The following CHD1L variants were observed in gnomAD, a reference collection of about 807,000 sequenced individuals.
The protein encoded by CHD1L is ATP-dependent chromatin remodeler CHD1L.
CHD1L carries 118 observed loss-of-function variants against 115.9 expected under a neutral mutation model. That is an observed-to-expected ratio of 1.02 (90% CI 0.88 to 1.19). The LOEUF (loss-of-function observed/expected upper bound fraction) is 1.19, where lower values mean the gene tolerates loss of function less well. Among genes scored for constraint, CHD1L ranks in the 50% most tolerant of loss-of-function variants. CHD1L has a pLI of 0.00. For synonymous variants in CHD1L, 411 were observed against 387.1 expected, an observed-to-expected ratio of 1.06 and a Z score of -0.72; for missense variants, 1,179 against 1,065.3, an observed-to-expected ratio of 1.11 and a Z score of -1.49.
chr1:147,286,537 A>G (rs201718819), intron 18 of CHD1L, 37 bp downstream of exon 18: 2 of 1,596,858 alleles, frequency 1.3e-6, no homozygotes, highest in African/African-American at 2.7e-5. Flanking sequence ...TGGGGGCCTC[A>G]GTCCTTATGG....
At chr1:147,261,580 A>T (rs1671964699) in intron 6 of CHD1L, among the ~76,000 whole-genome samples, 1 of 152,160 alleles carries the variant, frequency 6.6e-6, no homozygotes, top group African/African-American at 2.4e-5. Flanking sequence ...CTTATGAAAG[A>T]TGGCTTCATA....
chr1:147,259,707 TG>T, intron 5 of CHD1L, 129 bp from the exon 6 acceptor site: 1 of 707,928 alleles, frequency 1.4e-6, no homozygotes, highest in South Asian at 1.9e-5. Flanking sequence ...GGTAATTTGG[TG>T]GCATTTGTAA....
At chr1:147,254,431 T>G (rs1669386171) in intron 2 of CHD1L, among the ~76,000 whole-genome samples, 1 of 152,040 alleles carries the variant, frequency 6.6e-6, no homozygotes, top group South Asian at 2.1e-4. Flanking sequence ...GAAAGCATCC[T>G]CCCTCACTCG....
At chr1:147,222,023 A>C in the CHD1L span, among the ~76,000 whole-genome samples, 1 of 152,170 alleles carries the variant, frequency 6.6e-6, no homozygotes, top group African/African-American at 2.4e-5. Flanking sequence ...CTATACACTG[A>C]TTATATTTCC....
chr1:147,284,522 A>T (rs1553964078), intron 16 of CHD1L, 23 bp downstream of exon 16: 2 of 1,541,602 alleles, frequency 1.3e-6, no homozygotes, highest in African/African-American at 2.9e-5. Flanking sequence ...AATTTATTTA[A>T]AAGTTGTTCT....
chr1:147,210,113 T>C, the CHD1L span: 1 of 152,208 alleles, frequency 6.6e-6, no homozygotes, highest in Non-Finnish European at 1.5e-5. Flanking sequence ...ACCCATGTTA[T>C]AGATGAGGGG....
chr1:147,275,677 CTG>C (rs1183867734), intron 13 of CHD1L, among the ~76,000 whole-genome samples: 2 of 150,576 alleles, frequency 1.3e-5, no homozygotes, highest in African/African-American at 2.5e-5. Context: ...TCAAATCAAA[CTG>C]TGAAAGGATT....
chr1:147,280,106 C>T lies in CHD1L; in HGVS notation c.1620C>T (p.Ser540=), dbSNP rs1680231741. The change falls in exon 15 of 23, where the codon TCC becomes TCT. Residue 540 remains serine, a synonymous_variant. Coordinates refer to ENST00000369258, the MANE Select transcript of CHD1L (RefSeq NM_004284.6). ...GSTMDEIDLE[S]ILGETKDGQW... ...CCATGGATGAAATAGACCTGGAGTC[C>T]ATCCTGGGAGAAACAAAAGATGGCC... 2 of 1,613,838 alleles carry T rather than the reference C, an allele frequency of 1.2e-6. No homozygotes were observed. Among genetic ancestry groups the T allele is most frequent in the East Asian group, 2.2e-5 (1 of 44,870 alleles).
At chr1:147,285,993 G>A (rs992417874) in intron 17 of CHD1L, among the ~76,000 whole-genome samples, 4 of 152,030 alleles carry the variant, frequency 2.6e-5, no homozygotes, top group East Asian at 1.9e-4. Context: ...TACCATGCCC[G>A]GCCAAAACCA....
chr1:147,176,688 A>G, the CHD1L span, among the ~76,000 whole-genome samples: 2 of 152,236 alleles, frequency 1.3e-5, no homozygotes, highest in Admixed American at 1.3e-4. Context: ...TACTGGAATA[A>G]TTAGTATCTC....
Position 147,285,386 on chromosome 1 carries a change from G to A in CHD1L, c.1917G>A (p.Glu639=). Residue 639 remains glutamate (E), a synonymous_variant, in exon 17 of 23, where the codon GAG becomes GAA. Coordinates refer to ENST00000369258, the MANE Select transcript of CHD1L (RefSeq NM_004284.6). The part of the protein sequence containing the change: ...TKRKRVLSPE[E]LEDRQKKRQE... ...GGAAGCGGGTTCTGAGTCCAGAAGA[G>A]CTGGAGGACAGACAGAAGAAAAGAC... The A allele has an allele frequency of 1.2e-6, 2 of 1,614,040 alleles. No homozygotes were observed. Among genetic ancestry groups the A allele is most frequent in the Non-Finnish European group, 1.7e-6 (2 of 1,179,948 alleles).
chr1:147,280,012 T>A lies in CHD1L; in HGVS notation c.1540-14T>A. 1 of 1,613,434 alleles carries A rather than the reference T, an allele frequency of 6.2e-7. No individual in the cohort carries two copies. Among genetic ancestry groups the A allele is most frequent in the South Asian group, 1.1e-5 (1 of 91,038 alleles). ...ATGAGAATTTGCTGGACTTTTTTGT[T>A]TCCTCTATTCAAGTTGAGTGAGATA... On this transcript the variant is annotated splice_polypyrimidine_tract_variant and intron_variant, in intron 14 of 22. Transcript: ENST00000369258.
At chr1:147,186,861 A>C in the CHD1L span, 7 of 1,576,924 alleles carry the variant, frequency 4.4e-6, no homozygotes, top group Non-Finnish European at 6.0e-6. Context: ...TCTGTAGATA[A>C]GCTTCCCAAT....
chr1:147,258,339 A>C (rs587693501), intron 5 of CHD1L, among the ~76,000 whole-genome samples: 1 of 152,280 alleles, frequency 6.6e-6, no homozygotes, highest in East Asian at 1.9e-4. Flanking sequence ...GCCAAAATCC[A>C]CCACTCTGTA....
chr1:147,276,332 A>T (rs1678463665), intron 14 of CHD1L, 75 bp downstream of exon 14: 3 of 1,341,350 alleles, frequency 2.2e-6, no homozygotes. Flanking sequence ...AATGAAAAGA[A>T]CCAGCACTCA....
chr1:147,203,496 A>G, the CHD1L span: 1 of 860,304 alleles, frequency 1.2e-6, no homozygotes, highest in Admixed American at 1.7e-5. Context: ...CAACATTTTT[A>G]TTTCCTTCTT....
the CHD1L span, chr1:147,179,142 G>A: frequency 1.9e-6 from 3 of 1,613,962 alleles, no homozygotes; most frequent in Admixed American, 1.7e-5. Flanking sequence ...AGGATTTCTC[G>A]CGTGATGGGA....
intron 1 of CHD1L, among the ~76,000 whole-genome samples, chr1:147,245,107 G>C (rs782162260): frequency 1.3e-5 from 2 of 152,138 alleles, no homozygotes; most frequent in Non-Finnish European, 2.9e-5. Context: ...ACTTCTTGCT[G>C]TTTTGCTTGC....
intron 4 of CHD1L, 96 bp downstream of exon 4, chr1:147,256,023 A>G: frequency 2.6e-6 from 2 of 757,380 alleles, no homozygotes; most frequent in Non-Finnish European, 2.1e-6. Context: ...TTGAGAGCAC[A>G]CACTTTTCTG....
Sources: gnomAD v4.1 joint callset for allele counts (sites outside exome capture counted in the v4.1 genomes callset) on GRCh38, gnomAD v4.1.1 for gene constraint, MANE v1.5 for transcripts, NCBI Gene and HGNC (gene_info 2026-07-23, HGNC 2026-07-21) for gene names.